Variants in TMTC2 observed in about 807,000 individuals in gnomAD.
TMTC2 encodes transmembrane O-mannosyltransferase targeting cadherins 2, also known as protein O-mannosyl-transferase TMTC2.
Under a neutral mutation model 82.4 loss-of-function variants are expected in TMTC2, and 43 were observed. That is an observed-to-expected ratio of 0.52 (90% CI 0.41 to 0.67). TMTC2 has a LOEUF of 0.67. Ranked by LOEUF, TMTC2 falls within the 30% of genes least tolerant of loss-of-function variation. The pLI is 0.00. For synonymous variants in TMTC2, 408 were observed against 381.9 expected, an observed-to-expected ratio of 1.07 and a Z score of -0.80; for missense variants, 919 against 1,012.4, an observed-to-expected ratio of 0.91 and a Z score of 1.25.
At chr12:83,071,158 TTTG>T (rs1443285640) in intron 11 of TMTC2, among the ~76,000 whole-genome samples, 7 of 115,804 alleles carry the variant, frequency 6.0e-5, no homozygotes, top group African/African-American at 2.5e-4. Context: ...TGTTTTTTTT[TTTG>T]TTTTTTTTTT....
intron 1 of TMTC2, among the ~76,000 whole-genome samples, chr12:82,795,659 G>C (rs1592528312): frequency 2.0e-5 from 3 of 152,042 alleles, no homozygotes; most frequent in South Asian, 4.2e-4. Flanking sequence ...AAAAAAAAAG[G>C]CTTCAAGAGC....
At chr12:82,985,067 T>A (rs1166429688) in intron 7 of TMTC2, among the ~76,000 whole-genome samples, 1 of 152,038 alleles carries the variant, frequency 6.6e-6, no homozygotes, top group East Asian at 1.9e-4. Flanking sequence ...TAAAATAATT[T>A]TTTTTGTTTG....
At chr12:83,004,396 C>G (rs1880060426) in intron 8 of TMTC2, among the ~76,000 whole-genome samples, 1 of 152,176 alleles carries the variant, frequency 6.6e-6, no homozygotes. Context: ...CCATGTCAAT[C>G]TGGCTAAGAA....
chr12:82,836,283 C>G (rs1274322694), intron 1 of TMTC2, among the ~76,000 whole-genome samples: 1 of 152,018 alleles, frequency 6.6e-6, no homozygotes. Flanking sequence ...TGTGGATGTG[C>G]TAACTTACAT....
At chr12:82,988,383 T>A (rs1879258570) in intron 8 of TMTC2, among the ~76,000 whole-genome samples, 1 of 151,678 alleles carries the variant, frequency 6.6e-6, no homozygotes, top group African/African-American at 2.4e-5. Flanking sequence ...CAGAAAAGAG[T>A]CAGTTAAGGG....
At chr12:82,789,526 T>C (rs893679118) in intron 1 of TMTC2, among the ~76,000 whole-genome samples, 1 of 152,146 alleles carries the variant, frequency 6.6e-6, no homozygotes, top group Non-Finnish European at 1.5e-5. Context: ...TTAATATTTA[T>C]TTGAAGTAAA....
At chr12:83,105,562 G>A (rs1027951171) in intron 11 of TMTC2, among the ~76,000 whole-genome samples, 1 of 152,056 alleles carries the variant, frequency 6.6e-6, no homozygotes, top group African/African-American at 2.4e-5. Flanking sequence ...AGAGTGAGGG[G>A]GAGGTGCCAT....
At chr12:82,826,829 A>G (rs77545058) in intron 1 of TMTC2, among the ~76,000 whole-genome samples, 5,451 of 152,330 alleles carry the variant, frequency 0.036, 311 homozygotes, top group African/African-American at 0.12. Flanking sequence ...TTCCAGCCCA[A>G]TGCCTGGAGC....
chr12:82,804,135 T>C (rs1252814334), intron 1 of TMTC2, among the ~76,000 whole-genome samples: 1 of 152,092 alleles, frequency 6.6e-6, no homozygotes, highest in East Asian at 1.9e-4. Flanking sequence ...AAGAGAGTAA[T>C]GAGCTTCAGA....
chr12:82,956,546 T>C (rs1403055257), intron 4 of TMTC2, among the ~76,000 whole-genome samples: 1 of 152,094 alleles, frequency 6.6e-6, no homozygotes, highest in Non-Finnish European at 1.5e-5. Context: ...ATCTCCCATG[T>C]TCAAGTGATT....
At position 83,045,707 on chromosome 12, in the gene TMTC2, T is replaced by TCACACACACACACA. The variant is rs143555229; in HGVS notation, c.2153-5191_2153-5178dup. 6.2e-3 allele frequency among the ~76,000 whole-genome samples: 761 copies of TCACACACACACACA among 122,748 alleles called. 37 individuals carry two copies. Among genetic ancestry groups the TCACACACACACACA allele is most frequent in the Admixed American group, 0.01 (126 of 12,556 alleles). 80.5% of individuals were successfully genotyped at this position (122,748 alleles called of 152,430 possible). A position where few individuals can be genotyped will look rare whatever the true frequency, so the allele number is the denominator to read the frequency against. On this transcript the variant is annotated intron_variant, in intron 9 of 11. Coordinates refer to ENST00000321196, the MANE Select transcript of TMTC2 (RefSeq NM_152588.3). ...GCTTATAGGGCAGGAAAGGGCTCCTTCACACACACACACACACACGCACAC... is the reference window on the plus strand; with the variant it reads ...GCTTATAGGGCAGGAAAGGGCTCCTTCACACACACACACACACACACACACACACACACGCACAC...
intron 9 of TMTC2, among the ~76,000 whole-genome samples, chr12:83,033,463 T>C (rs1449371483): frequency 1.3e-5 from 2 of 152,208 alleles, no homozygotes; most frequent in African/African-American, 2.4e-5. Flanking sequence ...CCATAAAATA[T>C]ATTCTGAGTT....
intron 4 of TMTC2, among the ~76,000 whole-genome samples, chr12:82,958,813 A>G (rs1161201778): frequency 6.6e-6 from 1 of 152,106 alleles, no homozygotes; most frequent in Non-Finnish European, 1.5e-5. Flanking sequence ...TCAACATAGT[A>G]CTGGAACTCC....
At chr12:83,010,178 A>G (rs910519342) in intron 8 of TMTC2, among the ~76,000 whole-genome samples, 3 of 152,118 alleles carry the variant, frequency 2.0e-5, no homozygotes, top group African/African-American at 4.8e-5. Flanking sequence ...TACTCTCTCT[A>G]TATCTATTTT....
chr12:83,089,422 T>G (rs952549632), intron 11 of TMTC2, among the ~76,000 whole-genome samples: 1 of 152,222 alleles, frequency 6.6e-6, no homozygotes, highest in African/African-American at 2.4e-5. Context: ...CTATAATTAT[T>G]GCATTTATTA....
intron 1 of TMTC2, among the ~76,000 whole-genome samples, chr12:82,746,481 A>G (rs1875698303): frequency 6.6e-6 from 1 of 152,192 alleles, no homozygotes; most frequent in South Asian, 2.1e-4. Flanking sequence ...AAAGAAGACT[A>G]TGGCTTTGAG....
intron 11 of TMTC2, among the ~76,000 whole-genome samples, chr12:83,075,824 C>G (rs1883267850): frequency 6.6e-6 from 1 of 152,230 alleles, no homozygotes; most frequent in Non-Finnish European, 1.5e-5. Flanking sequence ...TATGTTCATG[C>G]TGCAGTATGC....
intron 11 of TMTC2, among the ~76,000 whole-genome samples, chr12:83,094,340 G>A (rs1883951371): frequency 6.6e-6 from 1 of 152,170 alleles, no homozygotes; most frequent in Admixed American, 6.6e-5. Context: ...ACTTTTGAAG[G>A]AAGATGTAGA....
Position 83,132,583 on chromosome 12 carries a change from CG to C in TMTC2, c.*196del. 1 of 585,662 alleles carries C rather than the reference CG, an allele frequency of 1.7e-6. No homozygotes were observed. The highest frequency in any genetic ancestry group is 2.9e-6 in the Non-Finnish European group (1 of 350,508). 36.3% of individuals were successfully genotyped at this position (585,662 alleles called of 1,614,324 possible). A position where few individuals can be genotyped will look rare whatever the true frequency, so the allele number is the denominator to read the frequency against. On this transcript the variant is annotated 3_prime_UTR_variant, in exon 12 of 12. Transcript: ENST00000321196. Reference sequence around the variant, plus strand: ...CTGTTAACACCAAAAAGGGGAAAGCCGGAAACCTCCTGGAGGATGTCATTGT... The same window carrying C: ...CTGTTAACACCAAAAAGGGGAAAGCCGAAACCTCCTGGAGGATGTCATTGT...
Sources: gnomAD v4.1 joint callset for allele counts (sites outside exome capture counted in the v4.1 genomes callset) on GRCh38, gnomAD v4.1.1 for gene constraint, MANE v1.5 for transcripts, NCBI Gene and HGNC (gene_info 2026-07-23, HGNC 2026-07-21) for gene names.